ROR2: variants seen among roughly 807,000 people sequenced by gnomAD.
ROR2 encodes the protein tyrosine-protein kinase transmembrane receptor ROR2.
Under a neutral mutation model 74.9 loss-of-function variants are expected in ROR2, and 33 were observed. That is an observed-to-expected ratio of 0.44 (90% confidence interval 0.33 to 0.59). The LOEUF (loss-of-function observed/expected upper bound fraction) is 0.59. ROR2 is among the 20% of genes least tolerant of loss of function. The probability of loss-of-function intolerance (pLI) is 0.02; values close to 1 mark genes in which losing one functional copy is unlikely to be tolerated. For synonymous variants in ROR2, 586 were observed against 558.7 expected, an observed-to-expected ratio of 1.05 and a Z score of -0.69; for missense variants, 1,216 against 1,313.8, an observed-to-expected ratio of 0.93 and a Z score of 1.15.
chr9:91,915,822 G>C (rs1255255542), intron 1 of ROR2, among the ~76,000 whole-genome samples: 1 of 152,120 alleles, frequency 6.6e-6, no homozygotes, highest in Admixed American at 6.5e-5. Flanking sequence ...AGCGCTAATT[G>C]GTGCTTTTTA....
intron 1 of ROR2, among the ~76,000 whole-genome samples, chr9:91,869,937 T>TG: frequency 6.6e-6 from 1 of 152,230 alleles, no homozygotes. Context: ...TGCAAGATAT[T>TG]GGGAAGTAGT....
At chr9:91,751,581 T>C (rs1825596920) in intron 4 of ROR2, among the ~76,000 whole-genome samples, 2 of 152,244 alleles carry the variant, frequency 1.3e-5, no homozygotes, top group South Asian at 4.1e-4. Flanking sequence ...CACAAAATAT[T>C]AAAAATAGAG....
chr9:91,763,587 C>T (rs1350510500), intron 2 of ROR2, among the ~76,000 whole-genome samples: 2 of 152,204 alleles, frequency 1.3e-5, no homozygotes, highest in Non-Finnish European at 2.9e-5. Flanking sequence ...TGGAATATTT[C>T]TCGTCATTGG....
At chr9:91,920,627 T>C (rs1326233261) in intron 1 of ROR2, among the ~76,000 whole-genome samples, 2 of 152,226 alleles carry the variant, frequency 1.3e-5, no homozygotes, top group Admixed American at 6.5e-5. Flanking sequence ...AGGTACTTCC[T>C]AAACACCTGG....
At chr9:91,772,646 C>T (rs1467977554) in intron 2 of ROR2, among the ~76,000 whole-genome samples, 1 of 152,236 alleles carries the variant, frequency 6.6e-6, no homozygotes, top group African/African-American at 2.4e-5. Context: ...TGACGGGCCA[C>T]CTTTAGCGTC....
Position 91,757,517 on chromosome 9 carries a change from A to T in ROR2, c.218T>A (p.Ile73Asn). Residue 73 changes from isoleucine (I) to asparagine (N), a missense_variant, in exon 3 of 9, where the codon ATT becomes AAT. By Grantham distance (149) the Ile-to-Asn change is moderately radical (BLOSUM62 -3). Coordinates refer to ENST00000375708, the MANE Select transcript of ROR2 (RefSeq NM_004560.4). ...NFLEPVNNIT[I>N]VQGQTAILHC... ...CAGAATTGCCGTCTGGCCTTGGACA[A>T]TGGTGATATTGTTTACTGGCTCCAG... is the stretch of plus-strand genomic sequence containing the variant. 1 of 1,613,686 alleles carries T rather than the reference A, an allele frequency of 6.2e-7. No homozygotes were observed. The highest frequency in any genetic ancestry group is 1.3e-5 in the African/African-American group (1 of 74,868).
chr9:91,786,479 T>C (rs1218768223), intron 1 of ROR2, among the ~76,000 whole-genome samples: 2 of 151,860 alleles, frequency 1.3e-5, no homozygotes, highest in East Asian at 1.9e-4. Flanking sequence ...GAGGTGAAAA[T>C]TGTCTGTTCA....
chr9:91,800,143 A>G (rs1297356044), intron 1 of ROR2, among the ~76,000 whole-genome samples: 1 of 152,122 alleles, frequency 6.6e-6, no homozygotes, highest in Non-Finnish European at 1.5e-5. Context: ...GGAGTTCGAG[A>G]CCAGTCCGGC....
Position 91,889,312 on chromosome 9 carries a change from C to T in ROR2, c.97+60555G>A, listed in dbSNP as rs192113127. ...GAGTCCCAGGGCCCCAGGCACACAACGCTGGGCCACTGGGCAGATCACACC... is the reference window on the plus strand; with the variant it reads ...GAGTCCCAGGGCCCCAGGCACACAATGCTGGGCCACTGGGCAGATCACACC... On this transcript the variant is annotated intron_variant, in intron 1 of 8. Transcript: ENST00000375708. Among the ~76,000 whole-genome samples the T allele has an allele frequency of 9.0e-4, 137 of 152,304 alleles. 1 individual carries two copies. The highest frequency in any genetic ancestry group is 3.0e-3 in the African/African-American group (126 of 41,568).
intron 1 of ROR2, among the ~76,000 whole-genome samples, chr9:91,851,415 T>G (rs1477508195): frequency 6.6e-6 from 1 of 152,032 alleles, no homozygotes; most frequent in Non-Finnish European, 1.5e-5. Flanking sequence ...CATAGGTCTG[T>G]GTGTGGATTA....
intron 1 of ROR2, among the ~76,000 whole-genome samples, chr9:91,927,457 A>G (rs1358885607): frequency 2.0e-5 from 3 of 152,162 alleles, no homozygotes; most frequent in African/African-American, 7.2e-5. Flanking sequence ...GGGAGAAAAA[A>G]GTCCGAGGGC....
chr9:91,798,209 G>T (rs1277979091), intron 1 of ROR2, among the ~76,000 whole-genome samples: 79 of 99,774 alleles, frequency 7.9e-4, no homozygotes, highest in African/African-American at 3.0e-3. Flanking sequence ...TGTTAGTGGG[G>T]AATGACACCC....
In ROR2 at chr9:91,725,088, C is replaced by CTGAT. The variant is rs1218965789; in HGVS notation, c.1402_1405dup (p.Ser469AsnfsTer57). 1 of 1,614,016 alleles carries CTGAT rather than the reference C, an allele frequency of 6.2e-7. No individual in the cohort carries two copies. Among genetic ancestry groups the CTGAT allele is most frequent in the Non-Finnish European group, 8.5e-7 (1 of 1,180,042 alleles). ...CTCCATGAACCTCACCGCAGACAGG[C>CTGAT]TGATCTCTTTGAGTTTGGCCTGTCA... On this transcript the variant is annotated frameshift_variant, in exon 9 of 9. Coordinates refer to ENST00000375708, the MANE Select transcript of ROR2 (RefSeq NM_004560.4). LOFTEE classifies it high-confidence loss of function.
intron 2 of ROR2, among the ~76,000 whole-genome samples, chr9:91,773,851 C>G (rs1232896258): frequency 6.6e-6 from 1 of 152,198 alleles, no homozygotes; most frequent in Non-Finnish European, 1.5e-5. Context: ...CCATCTGTGC[C>G]CAGATCAAGA....
chr9:91,755,203 C>T (rs1363983285), intron 4 of ROR2, among the ~76,000 whole-genome samples: 1 of 152,196 alleles, frequency 6.6e-6, no homozygotes, highest in Non-Finnish European at 1.5e-5. Flanking sequence ...CTGATGTCTG[C>T]TGAGACAGGT....
At chr9:91,826,971 C>T (rs1326236095) in intron 1 of ROR2, among the ~76,000 whole-genome samples, 1 of 152,034 alleles carries the variant, frequency 6.6e-6, no homozygotes, top group Non-Finnish European at 1.5e-5. Flanking sequence ...AATGAAGGAA[C>T]AAAAATCATC....
intron 1 of ROR2, among the ~76,000 whole-genome samples, chr9:91,806,798 C>T (rs933253832): frequency 2.6e-5 from 4 of 152,126 alleles, no homozygotes; most frequent in Non-Finnish European, 5.9e-5. Context: ...ACCGTGTTAG[C>T]CAGGATGGTC....
chr9:91,950,072 T>C lies in ROR2; in HGVS notation c.-109A>G. The C allele has an allele frequency of 2.0e-6, 1 of 503,992 alleles. No homozygotes were observed. The highest frequency in any genetic ancestry group is 3.3e-6 in the Non-Finnish European group (1 of 303,174). 31.2% of individuals were successfully genotyped at this position (503,992 alleles called of 1,614,324 possible). A position where few individuals can be genotyped will look rare whatever the true frequency, so the allele number is the denominator to read the frequency against. Reference sequence around the variant, plus strand: ...GTCCGCTCCTCCTTCTCCCTGGCGCTTCGCAAACGGGTCCACTTCGAGGAC... The same window carrying C: ...GTCCGCTCCTCCTTCTCCCTGGCGCCTCGCAAACGGGTCCACTTCGAGGAC... On this transcript the variant is annotated 5_prime_UTR_variant, in exon 1 of 9. Transcript: ENST00000375708.
At chr9:91,826,848 C>T (rs1416013452) in intron 1 of ROR2, among the ~76,000 whole-genome samples, 1 of 151,778 alleles carries the variant, frequency 6.6e-6, no homozygotes, top group Non-Finnish European at 1.5e-5. Context: ...GTATGTACTG[C>T]ATCCAGTAAC....
Sources: gnomAD v4.1 joint callset for allele counts (sites outside exome capture counted in the v4.1 genomes callset) on GRCh38, gnomAD v4.1.1 for gene constraint, MANE v1.5 for transcripts, NCBI Gene and HGNC (gene_info 2026-07-23, HGNC 2026-07-21) for gene names.